Variants in ART3 observed in about 807,000 individuals in gnomAD.
The protein encoded by ART3 is ecto-ADP-ribosyltransferase 3.
Under a neutral mutation model 48.5 loss-of-function variants are expected in ART3, and 49 were observed. The ratio of observed to expected loss-of-function variants is 1.01; its 90% CI spans 0.80 to 1.28. The LOEUF is 1.28. ART3 is among the 50% of genes most tolerant of loss of function. The probability of loss-of-function intolerance (pLI) is 0.00; values close to 1 mark genes in which losing one functional copy is unlikely to be tolerated. For synonymous variants in ART3, 145 were observed against 157.2 expected (o/e 0.92, Z 0.58); for missense variants, 438 against 454.3 (o/e 0.96, Z 0.33).
intron 3 of ART3, among the ~76,000 whole-genome samples, chr4:76,095,555 A>C (rs1411733679): frequency 6.6e-6 from 1 of 152,198 alleles, no homozygotes; most frequent in Non-Finnish European, 1.5e-5. Context: ...TTTTCTATTC[A>C]GGAGGCCTTC....
At chr4:76,034,322 T>G in intron 1 of ART3, 1 of 399,036 alleles carries the variant, frequency 2.5e-6, no homozygotes, top group Non-Finnish European at 4.4e-6. Flanking sequence ...GTCTCCACCG[T>G]AACCACAGAT....
In ART3 at chr4:76,112,527, C is replaced by T. The variant is rs1729687327; in HGVS notation, c.*8C>T. On this transcript the variant is annotated 3_prime_UTR_variant, in exon 12 of 12. Coordinates refer to ENST00000355810, the MANE Select transcript of ART3 (RefSeq NM_001130016.3). ...CTCTTTGTTGCTCTGTAGTTTGATG[C>T]ATTGTTTATCTTTCTTATTCTTTAC... 1.9e-6 allele frequency: 3 copies of T among 1,607,368 alleles called. No homozygotes were observed. Among genetic ancestry groups the T allele is most frequent in the East Asian group, 4.5e-5 (2 of 44,622 alleles).
intron 1 of ART3, among the ~76,000 whole-genome samples, chr4:76,068,522 G>A (rs182588433): frequency 1.3e-5 from 2 of 152,266 alleles, no homozygotes; most frequent in African/African-American, 2.4e-5. Context: ...AAACTCATGC[G>A]GGAACAGAAA....
At chr4:76,030,991 G>A (rs1278591509) in intron 1 of ART3, among the ~76,000 whole-genome samples, 1 of 152,094 alleles carries the variant, frequency 6.6e-6, no homozygotes, top group African/African-American at 2.4e-5. Flanking sequence ...ATATACCTAG[G>A]AATGGAATTG....
chr4:76,101,247 C>CT lies in ART3; in HGVS notation c.937+228_937+229insT, dbSNP rs541126124. Reference sequence around the variant, plus strand: ...TCTAACAATCTTTAGGTCATCCCACCAAATAGAGGAAGGTGTGACTAATTA... The same window carrying CT: ...TCTAACAATCTTTAGGTCATCCCACCTAAATAGAGGAAGGTGTGACTAATTA... On this transcript the variant is annotated intron_variant, in intron 8 of 11. Coordinates refer to ENST00000355810, the MANE Select transcript of ART3 (RefSeq NM_001130016.3). Among the ~76,000 whole-genome samples, 265 of 152,276 alleles carry CT rather than the reference C, an allele frequency of 1.7e-3. 1 individual carries two copies. The highest frequency in any genetic ancestry group is 6.8e-3 in the Middle Eastern group (2 of 294).
chr4:76,040,437 T>TACACACACACACACACGC lies in ART3; in HGVS notation c.-10+29133_-10+29134insGCACACACACACACACAC, dbSNP rs1553926410. On this transcript the variant is annotated intron_variant, in intron 1 of 9. Transcript: ENST00000341029. ...TGGATGGATACGCACATACACTGGA[T>TACACACACACACACACGC]ACACACACACACACACACACACACA... Among the ~76,000 whole-genome samples the TACACACACACACACACGC allele has an allele frequency of 5.0e-4, 44 of 88,494 alleles. 1 individual carries two copies. The highest frequency in any genetic ancestry group is 8.2e-4 in the Non-Finnish European group (37 of 44,896). The allele number at this position is 88,494 out of a possible 152,430, so 58.1% of individuals were successfully genotyped here.
chr4:76,024,927 G>T (rs550313771), intron 1 of ART3, among the ~76,000 whole-genome samples: 6 of 152,284 alleles, frequency 3.9e-5, no homozygotes, highest in Admixed American at 3.9e-4. Context: ...ATAAAACTTG[G>T]ATCCTCAAAT....
At chr4:76,046,261 AAAG>A (rs879643559) in intron 1 of ART3, among the ~76,000 whole-genome samples, 12 of 152,002 alleles carry the variant, frequency 7.9e-5, no homozygotes, top group Non-Finnish European at 1.3e-4. Flanking sequence ...GCAGGGGAAT[AAAG>A]AAGAAGGCAT....
chr4:76,095,946 G>A (rs1044219243), intron 3 of ART3, among the ~76,000 whole-genome samples: 1 of 151,620 alleles, frequency 6.6e-6, no homozygotes, highest in African/African-American at 2.4e-5. Flanking sequence ...TTTTGAGACA[G>A]AGTTTTGCTC....
chr4:76,087,604 A>T (rs907722508), intron 3 of ART3, among the ~76,000 whole-genome samples: 4 of 152,236 alleles, frequency 2.6e-5, no homozygotes, highest in African/African-American at 9.6e-5. Flanking sequence ...AGTGTGCTAA[A>T]CATAGTCCCA....
intron 8 of ART3, among the ~76,000 whole-genome samples, chr4:76,101,753 G>GA (rs138595401): frequency 3.3e-5 from 5 of 150,510 alleles, no homozygotes; most frequent in East Asian, 3.9e-4. Flanking sequence ...CTCCATCTTG[G>GA]AAAAAAAAAA....
At chr4:76,028,913 C>T (rs1254268743) in intron 1 of ART3, among the ~76,000 whole-genome samples, 1 of 152,068 alleles carries the variant, frequency 6.6e-6, no homozygotes, top group Non-Finnish European at 1.5e-5. Context: ...AACTCGCGCA[C>T]TTGAGAGGAC....
At chr4:76,065,701 G>A (rs778112097) in intron 1 of ART3, among the ~76,000 whole-genome samples, 4 of 151,514 alleles carry the variant, frequency 2.6e-5, no homozygotes, top group Non-Finnish European at 5.9e-5. Flanking sequence ...AATAGGATTT[G>A]TCCACAAATA....
chr4:76,038,541 G>A (rs1210906081), intron 1 of ART3, among the ~76,000 whole-genome samples: 1 of 152,088 alleles, frequency 6.6e-6, no homozygotes, highest in Non-Finnish European at 1.5e-5. Context: ...AGGAATATGG[G>A]TAAAGTAAAA....
intron 1 of ART3, chr4:76,035,181 G>A (rs1560586103): frequency 6.8e-6 from 11 of 1,613,842 alleles, no homozygotes; most frequent in Non-Finnish European, 9.3e-6. Context: ...AAAAAAGCCT[G>A]CACCATTGTC....
intron 11 of ART3, among the ~76,000 whole-genome samples, chr4:76,108,840 G>A (rs1728953072): frequency 6.6e-6 from 1 of 152,152 alleles, no homozygotes; most frequent in South Asian, 2.1e-4. Flanking sequence ...GTTGAGTACT[G>A]TAGGCAGCGG....
chr4:76,047,743 A>G (rs1362500486), intron 1 of ART3, among the ~76,000 whole-genome samples: 2 of 151,968 alleles, frequency 1.3e-5, no homozygotes, highest in African/African-American at 4.8e-5. Context: ...TTACTTGACT[A>G]AGATACCGGG....
intron 2 of ART3, among the ~76,000 whole-genome samples, chr4:76,079,075 C>T (rs1203233768): frequency 1.3e-5 from 2 of 149,840 alleles, no homozygotes; most frequent in African/African-American, 2.5e-5. Context: ...AGCGAGACTC[C>T]GTCTAAAAAA....
chr4:76,078,623 C>T (rs1721667851), intron 2 of ART3, among the ~76,000 whole-genome samples: 2 of 150,240 alleles, frequency 1.3e-5, no homozygotes, highest in African/African-American at 2.5e-5. Flanking sequence ...GAAGCTGGCA[C>T]AATTCCCTCG....
Sources: allele counts gnomAD v4.1 joint callset (sites outside exome capture counted in the v4.1 genomes callset), GRCh38; gene constraint gnomAD v4.1.1; transcripts MANE v1.5; gene names NCBI Gene and HGNC (gene_info 2026-07-23, HGNC 2026-07-21).